The following SCUBE2 variants were observed in gnomAD, a reference collection of about 807,000 sequenced individuals.
The protein encoded by SCUBE2 is signal peptide, CUB and EGF-like domain-containing protein 2.
In SCUBE2, 114 loss-of-function variants were observed where a neutral mutation model predicts 125.9. The observed-to-expected ratio is 0.91, with a 90% CI of 0.78 to 1.06. The LOEUF (loss-of-function observed/expected upper bound fraction) is 1.06, where lower values mean the gene tolerates loss of function less well. SCUBE2 is among the 50% of genes least tolerant of loss of function. The probability of loss-of-function intolerance (pLI) is 0.00; values close to 1 mark genes in which losing one functional copy is unlikely to be tolerated. For missense variants in SCUBE2, 1,255 were observed against 1,301.8 expected (o/e 0.96, Z 0.55); for synonymous variants, 459 against 492.9 (o/e 0.93, Z 0.91).
intron 5 of SCUBE2, among the ~76,000 whole-genome samples, chr11:9,068,190 C>T (rs1412724875): frequency 1.3e-5 from 2 of 152,116 alleles, no homozygotes; most frequent in African/African-American, 2.4e-5. Context: ...CACCATAAAC[C>T]ACCATCCCCA....
intron 16 of SCUBE2, among the ~76,000 whole-genome samples, chr11:9,045,780 C>T (rs768120066): frequency 3.7e-4 from 56 of 152,140 alleles, no homozygotes; most frequent in Admixed American, 3.1e-3. Context: ...CTGCTTGAGC[C>T]GTTTTCTCTG....
rs1160895894 is a variant in SCUBE2, at chr11:9,065,873, G to C, written c.850+18C>G. ...AGGACAATTGCAGTGGCCAAGGAAAGGGAGTGAAGGTGCCTACCCATGAGC... is the reference window on the plus strand; with the variant it reads ...AGGACAATTGCAGTGGCCAAGGAAACGGAGTGAAGGTGCCTACCCATGAGC... On this transcript the variant is annotated intron_variant, in intron 7 of 22. Coordinates refer to ENST00000649792, the MANE Select transcript of SCUBE2 (RefSeq NM_001367977.2). The C allele has an allele frequency of 6.2e-7, 1 of 1,607,240 alleles. No individual in the cohort carries two copies. The highest frequency in any genetic ancestry group is 8.5e-7 in the Non-Finnish European group (1 of 1,173,748).
At chr11:9,047,261 G>T in intron 16 of SCUBE2, 95 bp downstream of exon 16, 1 of 1,272,210 alleles carries the variant, frequency 7.9e-7, no homozygotes, top group Non-Finnish European at 1.1e-6. Flanking sequence ...AGTGAGCCCT[G>T]AGAAGGGAGG....
chr11:9,034,509 A>G (rs1856591324), intron 16 of SCUBE2, among the ~76,000 whole-genome samples: 1 of 152,124 alleles, frequency 6.6e-6, no homozygotes, highest in Admixed American at 6.5e-5. Flanking sequence ...GAGCCTAAGA[A>G]TTTGAGTCTA....
chr11:9,090,881 T>C (rs1862629976), intron 1 of SCUBE2, among the ~76,000 whole-genome samples: 1 of 152,234 alleles, frequency 6.6e-6, no homozygotes, highest in Non-Finnish European at 1.5e-5. Flanking sequence ...GCTGAAAACC[T>C]AGGCTTGTTG....
chr11:9,029,066 G>A (rs946321258), intron 19 of SCUBE2, among the ~76,000 whole-genome samples: 9 of 152,012 alleles, frequency 5.9e-5, no homozygotes. Context: ...TTTAGGGGGG[G>A]CCTCCTTGCT....
intron 10 of SCUBE2, among the ~76,000 whole-genome samples, chr11:9,054,920 G>A (rs1321980448): frequency 1.3e-5 from 2 of 150,752 alleles, no homozygotes; most frequent in African/African-American, 4.9e-5. Context: ...TTTTAGTAGA[G>A]ACAGGGTTTC....
At position 9,025,667 on chromosome 11, in the gene SCUBE2, A is replaced by T. The variant is rs777365849; in HGVS notation, c.2854+35T>A. The T allele has an allele frequency of 1.9e-6, 3 of 1,611,808 alleles. No individual in the cohort carries two copies. In the South Asian group the frequency reaches 3.3e-5, roughly 18 times the overall value. The stretch of plus-strand genomic sequence containing the variant: ...CCGAAGTTGGCTCTGTTCAAAGCAG[A>T]GACGCTCTTTCCATGTGCTGCAGGC... On this transcript the variant is annotated intron_variant, in intron 21 of 22. Transcript: ENST00000649792.
At chr11:9,063,171 G>A (rs1392532934) in intron 7 of SCUBE2, among the ~76,000 whole-genome samples, 2 of 152,130 alleles carry the variant, frequency 1.3e-5, no homozygotes, top group African/African-American at 4.8e-5. Context: ...ACTTGAACCT[G>A]GGAGGTGGAG....
chr11:9,056,176 C>T (rs1463636989), intron 9 of SCUBE2, among the ~76,000 whole-genome samples: 2 of 152,186 alleles, frequency 1.3e-5, no homozygotes, highest in East Asian at 1.9e-4. Context: ...TTCACCCATG[C>T]GTACTTGCAG....
intron 1 of SCUBE2, among the ~76,000 whole-genome samples, chr11:9,090,036 C>T (rs1209846949): frequency 1.3e-5 from 2 of 152,108 alleles, no homozygotes; most frequent in Non-Finnish European, 2.9e-5. Flanking sequence ...TTACCCCCAC[C>T]ATCACCTACT....
chr11:9,061,571 G>GAAAAAAAAA (rs11301303), intron 7 of SCUBE2, among the ~76,000 whole-genome samples: 1 of 101,128 alleles, frequency 9.9e-6, no homozygotes, highest in African/African-American at 3.5e-5. Context: ...GAAAAGAAAA[G>GAAAAAAAAA]AAAAAAAAAA....
At chr11:9,067,247 TTCTC>T (rs1467725067) in intron 5 of SCUBE2, among the ~76,000 whole-genome samples, 1 of 152,214 alleles carries the variant, frequency 6.6e-6, no homozygotes, top group Non-Finnish European at 1.5e-5. Flanking sequence ...ATGTCAGAAT[TTCTC>T]TCATCAGATT....
At chr11:9,048,120 T>A (rs1857988974) in intron 14 of SCUBE2, 22 bp from the exon 15 acceptor site, 1 of 1,592,696 alleles carries the variant, frequency 6.3e-7, no homozygotes, top group Admixed American at 1.8e-5. Flanking sequence ...AACAAAATTA[T>A]CGGAAGCCAA....
At chr11:9,023,354 A>G (rs1855467049) in intron 21 of SCUBE2, among the ~76,000 whole-genome samples, 1 of 152,220 alleles carries the variant, frequency 6.6e-6, no homozygotes, top group African/African-American at 2.4e-5. Flanking sequence ...GTACTCCATT[A>G]GTGTGGTGTC....
chr11:9,025,609 C>T (rs1855653590), intron 21 of SCUBE2, 93 bp downstream of exon 21: 1 of 1,471,970 alleles, frequency 6.8e-7, no homozygotes, highest in Non-Finnish European at 9.2e-7. Context: ...CCTTTCTGAG[C>T]ATGTGTGCTT....
At chr11:9,053,462 A>G (rs1858650930) in intron 11 of SCUBE2, among the ~76,000 whole-genome samples, 175 bp downstream of exon 11, 1 of 152,260 alleles carries the variant, frequency 6.6e-6, no homozygotes, top group Non-Finnish European at 1.5e-5. Context: ...AGAAGGAAAC[A>G]CCAAAGATCC....
chr11:9,090,960 C>T (rs1334587250), intron 1 of SCUBE2, among the ~76,000 whole-genome samples: 3 of 152,122 alleles, frequency 2.0e-5, no homozygotes, highest in East Asian at 1.9e-4. Context: ...TGGAGCCCAC[C>T]CCGAAGCCAT....
Position 9,069,360 on chromosome 11 carries a change from C to T in SCUBE2, c.643+10G>A. The T allele has an allele frequency of 6.2e-7, 1 of 1,614,148 alleles. No homozygotes were observed. The highest frequency in any genetic ancestry group is 8.5e-7 in the Non-Finnish European group (1 of 1,180,004). ...GTTCCCATGGCAGGTGTGCACTGGC[C>T]CATACTTACAGATGCAGTCTCTCTG... On this transcript the variant is annotated intron_variant, in intron 5 of 22. Transcript: ENST00000649792.
Sources: gnomAD v4.1 joint callset for allele counts (sites outside exome capture counted in the v4.1 genomes callset) on GRCh38, gnomAD v4.1.1 for gene constraint, MANE v1.5 for transcripts, NCBI Gene and HGNC (gene_info 2026-07-23, HGNC 2026-07-21) for gene names.